Variants in PCSK5 observed in about 807,000 individuals in gnomAD.
The protein encoded by PCSK5 is proprotein convertase subtilisin/kexin type 5.
A neutral mutation model predicts 233.2 loss-of-function variants in PCSK5; 129 were observed. The observed-to-expected ratio is 0.55, with a 90% CI of 0.48 to 0.64. The LOEUF (loss-of-function observed/expected upper bound fraction) is 0.64, where lower values mean the gene tolerates loss of function less well. Ranked by LOEUF, PCSK5 falls within the 30% of genes least tolerant of loss-of-function variation. PCSK5 has a pLI of 0.00. For missense variants in PCSK5, 2,076 were observed against 2,430.1 expected, an observed-to-expected ratio of 0.85 and a Z score of 3.06; for synonymous variants, 825 against 879.2, an observed-to-expected ratio of 0.94 and a Z score of 1.09.
intron 13 of PCSK5, among the ~76,000 whole-genome samples, chr9:76,172,415 G>T (rs1308091377): frequency 2.0e-5 from 3 of 152,076 alleles, no homozygotes; most frequent in African/African-American, 7.2e-5. Context: ...TATTTGAAGT[G>T]AATCATAGTA....
intron 9 of PCSK5, among the ~76,000 whole-genome samples, chr9:76,109,575 T>TC (rs1491024780): frequency 6.9e-6 from 1 of 144,432 alleles, no homozygotes; most frequent in Non-Finnish European, 1.5e-5. Flanking sequence ...TTTTTTTTTT[T>TC]TCTCTTTTGC....
intron 7 of PCSK5, among the ~76,000 whole-genome samples, chr9:76,072,495 T>G (rs1473126485): frequency 1.3e-5 from 2 of 152,238 alleles, no homozygotes; most frequent in Non-Finnish European, 2.9e-5. Context: ...AGAAACCCTG[T>G]CTCATTTAAA....
At chr9:76,350,338 A>T (rs1224127385) in intron 35 of PCSK5, among the ~76,000 whole-genome samples, 1 of 152,174 alleles carries the variant, frequency 6.6e-6, no homozygotes, top group African/African-American at 2.4e-5. Flanking sequence ...CACCATCATC[A>T]CCACCCCAAA....
intron 1 of PCSK5, among the ~76,000 whole-genome samples, chr9:75,896,717 T>C (rs983289462): frequency 1.2e-4 from 17 of 145,122 alleles, no homozygotes; most frequent in East Asian, 3.9e-4. Context: ...CACACACACA[T>C]ATATACACAT....
At position 76,040,914 on chromosome 9, in the gene PCSK5, A is replaced by G. The variant is rs371224865; in HGVS notation, c.632+13877A>G. ...TACTAGTGATATACTTACAGTATGT[A>G]GAAATTTAGTATTGATCCATCACTT... On this transcript the variant is annotated intron_variant, in intron 5 of 37. Coordinates refer to ENST00000674117, the MANE Select transcript of PCSK5 (RefSeq NM_001372043.1). Among the ~76,000 whole-genome samples, 5 of 152,300 alleles carry G rather than the reference A, an allele frequency of 3.3e-5. No homozygotes were observed. In the East Asian group the frequency reaches 7.7e-4, roughly 24 times the overall value.
chr9:76,350,948 C>T lies in PCSK5; in HGVS notation c.5067+20C>T, dbSNP rs543418975. The stretch of plus-strand genomic sequence containing the variant: ...GGAGAGGTATGGAGGGCTGGGGGTC[C>T]TGGGCCTTCTGCTCTTTCTAGAGGG... On this transcript the variant is annotated intron_variant, in intron 36 of 37. Transcript: ENST00000674117. 2.0e-5 allele frequency: 25 copies of T among 1,249,190 alleles called. No individual in the cohort carries two copies. In the South Asian group the frequency reaches 2.8e-4, roughly 14 times the overall value. 77.4% of individuals were successfully genotyped at this position (1,249,190 alleles called of 1,614,324 possible). A position where few individuals can be genotyped will look rare whatever the true frequency, so the allele number is the denominator to read the frequency against.
chr9:76,119,516 G>A (rs1487581699), intron 9 of PCSK5, among the ~76,000 whole-genome samples: 1 of 152,034 alleles, frequency 6.6e-6, no homozygotes, highest in Non-Finnish European at 1.5e-5. Flanking sequence ...GGAATTTCCT[G>A]TACCTTAGGG....
intron 9 of PCSK5, among the ~76,000 whole-genome samples, chr9:76,118,161 C>T (rs1040227338): frequency 1.3e-5 from 2 of 151,990 alleles, no homozygotes; most frequent in Non-Finnish European, 2.9e-5. Context: ...CAATTGTTAT[C>T]AGTTTGTCTG....
chr9:76,095,786 G>A, intron 7 of PCSK5, 104 bp from the exon 8 acceptor site: 4 of 962,846 alleles, frequency 4.2e-6, no homozygotes, highest in Non-Finnish European at 5.0e-6. Flanking sequence ...TATTAAGATA[G>A]CAACACACCC....
chr9:76,189,556 T>C, intron 19 of PCSK5, 75 bp from the exon 20 acceptor site: 6 of 873,398 alleles, frequency 6.9e-6, no homozygotes, highest in Non-Finnish European at 3.8e-6. Flanking sequence ...TGTAAGACAT[T>C]ATGAGGTTGC....
chr9:75,917,935 C>CT (rs887453579), intron 1 of PCSK5, among the ~76,000 whole-genome samples: 1 of 151,986 alleles, frequency 6.6e-6, no homozygotes, highest in African/African-American at 2.4e-5. Context: ...GGAAGACAAA[C>CT]TTTTAATTTT....
At chr9:76,062,947 C>G (rs891016702) in intron 5 of PCSK5, among the ~76,000 whole-genome samples, 6 of 152,072 alleles carry the variant, frequency 3.9e-5, no homozygotes, top group African/African-American at 1.4e-4. Context: ...CTCCTCATCC[C>G]CCACACAGTC....
chr9:76,078,066 T>C (rs1437693372), intron 7 of PCSK5, among the ~76,000 whole-genome samples: 1 of 152,238 alleles, frequency 6.6e-6, no homozygotes, highest in Non-Finnish European at 1.5e-5. Flanking sequence ...TTTTCATATT[T>C]GTTGTCTGCA....
chr9:76,191,179 A>C (rs1824357819), intron 20 of PCSK5, among the ~76,000 whole-genome samples: 2 of 151,840 alleles, frequency 1.3e-5, no homozygotes, highest in South Asian at 2.1e-4. Context: ...ATTGTTGTTC[A>C]AAACATCTTT....
At chr9:76,011,378 G>T (rs1827724542) in intron 3 of PCSK5, among the ~76,000 whole-genome samples, 1 of 152,280 alleles carries the variant, frequency 6.6e-6, no homozygotes, top group South Asian at 2.1e-4. Flanking sequence ...TTCCTTGCAA[G>T]CAACTTTGTA....
At chr9:76,295,175 A>T in intron 25 of PCSK5, 100 bp from the exon 26 acceptor site, 1 of 1,117,586 alleles carries the variant, frequency 8.9e-7, no homozygotes, top group East Asian at 2.6e-5. Flanking sequence ...AACAAAACGA[A>T]ACAAAAAACT....
At chr9:76,284,689 T>C (rs533592721) in intron 24 of PCSK5, among the ~76,000 whole-genome samples, 94 of 151,884 alleles carry the variant, frequency 6.2e-4, no homozygotes, top group Non-Finnish European at 1.0e-3. Flanking sequence ...TGTGCCAGCA[T>C]GCCCAGCTAA....
chr9:76,151,155 A>C (rs1164066417), intron 10 of PCSK5, among the ~76,000 whole-genome samples: 1 of 152,104 alleles, frequency 6.6e-6, no homozygotes, highest in East Asian at 1.9e-4. Context: ...AGGGAGGCAC[A>C]GGGTCCCTGG....
intron 2 of PCSK5, among the ~76,000 whole-genome samples, chr9:75,967,466 A>T (rs943542421): frequency 2.6e-5 from 4 of 152,158 alleles, no homozygotes; most frequent in African/African-American, 7.2e-5. Flanking sequence ...CATGGCGTGT[A>T]TGTGGAGAGC....
Sources: gnomAD v4.1 joint callset for allele counts (sites outside exome capture counted in the v4.1 genomes callset) on GRCh38, gnomAD v4.1.1 for gene constraint, MANE v1.5 for transcripts, NCBI Gene and HGNC (gene_info 2026-07-23, HGNC 2026-07-21) for gene names.